NAV2: variants seen among roughly 807,000 people sequenced by gnomAD.
NAV2 encodes the protein neuron navigator 2.
Under a neutral mutation model 223.2 loss-of-function variants are expected in NAV2, and 54 were observed. The ratio of observed to expected loss-of-function variants is 0.24; its 90% CI spans 0.19 to 0.30. The LOEUF is 0.30. NAV2 is among the 10% of genes least tolerant of loss of function. NAV2 has a pLI of 1.00. For missense variants in NAV2, 2,806 were observed against 3,147.5 expected (o/e 0.89, Z 2.60); for synonymous variants, 1,279 against 1,239.3 (o/e 1.03, Z -0.67).
At chr11:19,611,369 C>T (rs1051182178) in intron 1 of NAV2, among the ~76,000 whole-genome samples, 3 of 152,268 alleles carry the variant, frequency 2.0e-5, no homozygotes, top group Admixed American at 2.0e-4. Flanking sequence ...AGAAACTAAT[C>T]ATTCCTTCCC....
intron 10 of NAV2, among the ~76,000 whole-genome samples, chr11:19,957,144 G>A (rs1807909093): frequency 6.6e-6 from 1 of 152,158 alleles, no homozygotes; most frequent in Admixed American, 6.5e-5. Context: ...CTTAAAAGAT[G>A]CAATGAGGCT....
intron 1 of NAV2, among the ~76,000 whole-genome samples, chr11:19,377,070 C>T (rs189886713): frequency 6.6e-6 from 1 of 152,260 alleles, no homozygotes; most frequent in East Asian, 1.9e-4. Context: ...GGAAAGTGCC[C>T]CAGACAAGCA....
intron 1 of NAV2, among the ~76,000 whole-genome samples, chr11:19,519,146 T>C (rs896545869): frequency 6.6e-6 from 1 of 151,884 alleles, no homozygotes; most frequent in African/African-American, 2.4e-5. Flanking sequence ...TTAACAACAA[T>C]AATAATAATA....
At chr11:19,472,199 G>T (rs777595077) in intron 1 of NAV2, among the ~76,000 whole-genome samples, 1 of 152,124 alleles carries the variant, frequency 6.6e-6, no homozygotes, top group African/African-American at 2.4e-5. Flanking sequence ...TAAGCTGGAG[G>T]TATAGACAGG....
intron 1 of NAV2, among the ~76,000 whole-genome samples, chr11:19,545,286 G>C (rs1303975718): frequency 6.6e-6 from 1 of 152,206 alleles, no homozygotes; most frequent in African/African-American, 2.4e-5. Context: ...AGGGGAGCTT[G>C]GTTTGGGCCG....
intron 1 of NAV2, among the ~76,000 whole-genome samples, chr11:19,787,273 T>A (rs1340088703): frequency 0.037 from 2,926 of 78,286 alleles, 296 homozygotes; most frequent in East Asian, 0.36. Context: ...ATTGGATCTT[T>A]TTTTTTTTTT....
chr11:19,524,166 G>A (rs1167074879), intron 1 of NAV2, among the ~76,000 whole-genome samples: 1 of 152,160 alleles, frequency 6.6e-6, no homozygotes. Flanking sequence ...TGGAGCCCTG[G>A]CATTTGACAT....
rs1025679354 is a variant in NAV2, at chr11:20,063,574, C to T, written c.4884+1215C>T. On this transcript the variant is annotated intron_variant, in intron 20 of 37. Transcript: ENST00000349880. The stretch of plus-strand genomic sequence containing the variant: ...ATTTTTAGTAGAGACGGGATTTCAC[C>T]ATGTTGGCCAGGCTGTTCTTGAACT... Among the ~76,000 whole-genome samples, 4 of 152,040 alleles carry T rather than the reference C, an allele frequency of 2.6e-5. No individual in the cohort carries two copies. In the South Asian group the frequency reaches 8.3e-4, roughly 32 times the overall value.
chr11:19,628,068 C>A (rs2047222694), intron 1 of NAV2, among the ~76,000 whole-genome samples: 1 of 152,160 alleles, frequency 6.6e-6, no homozygotes, highest in Non-Finnish European at 1.5e-5. Flanking sequence ...CTACTTTAAT[C>A]ACCACTGGGG....
intron 1 of NAV2, among the ~76,000 whole-genome samples, chr11:19,574,458 C>G (rs1028392793): frequency 2.6e-5 from 4 of 152,080 alleles, no homozygotes; most frequent in Non-Finnish European, 4.4e-5. Context: ...TGTGTTGTCC[C>G]TGGGGCTCCA....
At chr11:19,643,855 T>A in intron 1 of NAV2, among the ~76,000 whole-genome samples, 1 of 152,236 alleles carries the variant, frequency 6.6e-6, no homozygotes, top group South Asian at 2.1e-4. Context: ...ATGATCACCA[T>A]TCTAACTGGT....
At chr11:19,784,674 G>C (rs561413519) in intron 1 of NAV2, among the ~76,000 whole-genome samples, 1 of 152,228 alleles carries the variant, frequency 6.6e-6, no homozygotes, top group African/African-American at 2.4e-5. Flanking sequence ...CCAAGTATAA[G>C]AGATAGTATG....
intron 3 of NAV2, among the ~76,000 whole-genome samples, chr11:19,863,181 G>A (rs886589133): frequency 2.6e-5 from 4 of 152,166 alleles, no homozygotes; most frequent in Admixed American, 1.3e-4. Flanking sequence ...GGGGCAGGTC[G>A]AGGTACTGAC....
chr11:19,989,171 G>A (rs192650316), intron 11 of NAV2, among the ~76,000 whole-genome samples: 265 of 152,300 alleles, frequency 1.7e-3, no homozygotes, highest in African/African-American at 6.0e-3. Context: ...GTTTCATGGC[G>A]AGGGGAATTA....
intron 1 of NAV2, among the ~76,000 whole-genome samples, chr11:19,491,989 G>T (rs1170838807): frequency 1.3e-5 from 2 of 151,460 alleles, no homozygotes; most frequent in African/African-American, 4.9e-5. Flanking sequence ...GAGAGAGAAA[G>T]AGAGATGGGG....
chr11:20,039,955 G>A (rs922884808), intron 12 of NAV2, among the ~76,000 whole-genome samples: 2 of 152,190 alleles, frequency 1.3e-5, no homozygotes, highest in Admixed American at 6.5e-5. Context: ...GTGAGGAGGG[G>A]TGCCCCCTTC....
At chr11:19,560,552 A>G (rs1461916902) in intron 1 of NAV2, among the ~76,000 whole-genome samples, 1 of 152,248 alleles carries the variant, frequency 6.6e-6, no homozygotes, top group African/African-American at 2.4e-5. Flanking sequence ...GTATGCCTTC[A>G]ACAACATTGC....
chr11:19,537,142 A>G (rs2044211979), intron 1 of NAV2, among the ~76,000 whole-genome samples: 1 of 152,210 alleles, frequency 6.6e-6, no homozygotes, highest in Non-Finnish European at 1.5e-5. Context: ...ACTTGTGTTG[A>G]AAAAGAAATC....
intron 1 of NAV2, among the ~76,000 whole-genome samples, chr11:19,430,457 T>C (rs954750260): frequency 6.6e-6 from 1 of 152,200 alleles, no homozygotes; most frequent in African/African-American, 2.4e-5. Context: ...TGGCATTCCC[T>C]GTCCCATAAG....
Sources: gnomAD v4.1 joint callset for allele counts (sites outside exome capture counted in the v4.1 genomes callset) on GRCh38, gnomAD v4.1.1 for gene constraint, MANE v1.5 for transcripts, NCBI Gene and HGNC (gene_info 2026-07-23, HGNC 2026-07-21) for gene names.